The following TENM2 variants were observed in gnomAD, a reference collection of about 807,000 sequenced individuals.
TENM2 encodes teneurin-2.
Under a neutral mutation model 245.2 loss-of-function variants are expected in TENM2, and 52 were observed. The ratio of observed to expected loss-of-function variants is 0.21; its 90% CI spans 0.17 to 0.27. TENM2 has a LOEUF of 0.27. Among genes scored for constraint, TENM2 ranks in the 10% least tolerant of loss-of-function variants. The pLI, the probability that TENM2 is intolerant of heterozygous loss-of-function variation, is 1.00. For missense variants in TENM2, 3,046 were observed against 3,666.8 expected, an observed-to-expected ratio of 0.83 and a Z score of 4.37; for synonymous variants, 1,363 against 1,438.9, an observed-to-expected ratio of 0.95 and a Z score of 1.19.
intron 2 of TENM2, among the ~76,000 whole-genome samples, chr5:167,741,504 C>T (rs1361188580): frequency 1.3e-5 from 2 of 152,176 alleles, no homozygotes; most frequent in South Asian, 2.1e-4. Context: ...GCAATGTCTG[C>T]AGCAAGTCTG....
At position 167,702,575 on chromosome 5, in the gene TENM2, T is replaced by C. The variant is rs1369738111; in HGVS notation, c.503-173411T>C. On this transcript the variant is annotated intron_variant, in intron 2 of 28. Transcript: ENST00000518659. ...GTGTATATATATATATATATATACA[T>C]ATATATATATATTTCTTTACATAGT... Among the ~76,000 whole-genome samples, 89 of 145,214 alleles carry C rather than the reference T, an allele frequency of 6.1e-4. 3 individuals carry two copies. Among genetic ancestry groups the C allele is most frequent in the African/African-American group, 2.1e-3 (81 of 38,696 alleles).
At chr5:167,454,452 C>CTG (rs5873036) in intron 2 of TENM2, among the ~76,000 whole-genome samples, 9,352 of 150,386 alleles carry the variant, frequency 0.062, 367 homozygotes, top group African/African-American at 0.12. Context: ...CTAGAAATAA[C>CTG]TGTGTGTGTG....
the TENM2 span, among the ~76,000 whole-genome samples, chr5:167,277,573 T>C: frequency 1.3e-5 from 2 of 152,156 alleles, no homozygotes; most frequent in Non-Finnish European, 2.9e-5. Flanking sequence ...TTGAGAAAGA[T>C]TTATAACCTG....
the TENM2 span, among the ~76,000 whole-genome samples, chr5:167,171,322 A>G: frequency 2.1e-4 from 32 of 152,248 alleles, no homozygotes; most frequent in East Asian, 3.5e-3. Flanking sequence ...TTGAGTTGCC[A>G]TTTTATCAGT....
intron 2 of TENM2, among the ~76,000 whole-genome samples, chr5:167,741,375 T>TA (rs1446463896): frequency 6.6e-6 from 1 of 152,180 alleles, no homozygotes; most frequent in Non-Finnish European, 1.5e-5. Context: ...AGAGGAAAAA[T>TA]AAGATTCATG....
chr5:167,690,446 G>A (rs2150403043), intron 2 of TENM2, among the ~76,000 whole-genome samples: 1 of 152,172 alleles, frequency 6.6e-6, no homozygotes, highest in Non-Finnish European at 1.5e-5. Context: ...AGTTATGCCA[G>A]TTACTTTACT....
At chr5:167,564,265 C>G (rs2098651) in intron 2 of TENM2, among the ~76,000 whole-genome samples, 76,860 of 151,996 alleles carry the variant, frequency 0.51, 21,075 homozygotes, top group Middle Eastern at 0.64. Context: ...AACACCCAAA[C>G]AGAGTGTGAA....
At chr5:168,204,349 C>G in intron 18 of TENM2, 23 bp from the exon 21 acceptor site, 1 of 1,606,192 alleles carries the variant, frequency 6.2e-7, no homozygotes, top group Non-Finnish European at 8.5e-7. Flanking sequence ...TCAGTAACCC[C>G]TCCCATTCTC....
chr5:167,659,799 C>T (rs1288465149), intron 2 of TENM2, among the ~76,000 whole-genome samples: 3 of 152,102 alleles, frequency 2.0e-5, no homozygotes, highest in Admixed American at 6.5e-5. Context: ...GGTTCCTCTA[C>T]TCATACAAAA....
intron 12 of TENM2, among the ~76,000 whole-genome samples, chr5:168,152,004 G>A (rs1286041013): frequency 6.6e-6 from 1 of 152,190 alleles, no homozygotes; most frequent in Non-Finnish European, 1.5e-5. Context: ...TTGAGAACAG[G>A]AACTATAGAG....
At chr5:167,027,993 C>T in the TENM2 span, among the ~76,000 whole-genome samples, 5 of 149,160 alleles carry the variant, frequency 3.4e-5, no homozygotes, top group East Asian at 9.9e-4. Flanking sequence ...ATCGCTTGAG[C>T]CTAGAGGCAG....
the TENM2 span, among the ~76,000 whole-genome samples, chr5:167,028,935 T>TGG: frequency 6.6e-6 from 1 of 152,136 alleles, no homozygotes; most frequent in African/African-American, 2.4e-5. Context: ...TTATAAGAAA[T>TGG]TATTTATAAG....
intron 2 of TENM2, among the ~76,000 whole-genome samples, chr5:167,622,368 A>C (rs976495196): frequency 6.6e-6 from 1 of 152,126 alleles, no homozygotes; most frequent in Non-Finnish European, 1.5e-5. Flanking sequence ...TGCCCGCATA[A>C]ACCAACTTTT....
intron 15 of TENM2, among the ~76,000 whole-genome samples, chr5:168,198,206 T>C (rs1761624087): frequency 6.9e-6 from 1 of 145,580 alleles, no homozygotes. Context: ...TTTTTTTTTT[T>C]TTTTTTTGAG....
At chr5:167,019,448 C>A in the TENM2 span, among the ~76,000 whole-genome samples, 1 of 151,976 alleles carries the variant, frequency 6.6e-6, no homozygotes, top group Non-Finnish European at 1.5e-5. Context: ...CACAAGCTTT[C>A]TTTTTTGTTG....
intron 3 of TENM2, among the ~76,000 whole-genome samples, chr5:167,916,935 G>A (rs1239800431): frequency 6.6e-6 from 1 of 152,138 alleles, no homozygotes; most frequent in Non-Finnish European, 1.5e-5. Context: ...GCTTAAGCAG[G>A]GAGCTGCTTT....
rs1773395422 is a variant in TENM2 at position 167,876,033 on chromosome 5, C to T, written c.550C>T (p.Gln184Ter). The stretch of plus-strand genomic sequence containing the variant: ...CTCGCCTAGTCTCCTCCCATCTGCT[C>T]AGCTGCCTAGCTCCCATAATCCTCC... Residue 184 changes from glutamine (Q) to a stop codon, truncating the protein, a stop_gained, in exon 3 of 29, where the codon CAG becomes TAG. Transcript: ENST00000518659. LOFTEE classifies it high-confidence loss of function. 2 of 1,551,484 alleles carry T rather than the reference C, an allele frequency of 1.3e-6. No individual in the cohort carries two copies. The highest frequency in any genetic ancestry group is 1.2e-5 in the South Asian group (1 of 84,042).
rs144126013 is a variant in TENM2, at chr5:168,024,883, A to G, written c.1187-22544A>G. 2.0e-5 allele frequency among the ~76,000 whole-genome samples: 3 copies of G among 152,322 alleles called. No homozygotes were observed. In the East Asian group the frequency reaches 5.8e-4, roughly 29 times the overall value. On this transcript the variant is annotated intron_variant, in intron 5 of 28. Transcript: ENST00000518659. Reference sequence around the variant, plus strand: ...GTATATTCTTGTCCCTAAATTCTCCAAGATGACCTGAGATTAGGTTTTGAA... The same window carrying G: ...GTATATTCTTGTCCCTAAATTCTCCGAGATGACCTGAGATTAGGTTTTGAA...
intron 2 of TENM2, among the ~76,000 whole-genome samples, chr5:167,475,248 C>T (rs1299727160): frequency 6.6e-6 from 1 of 152,032 alleles, no homozygotes; most frequent in Non-Finnish European, 1.5e-5. Context: ...ATCACATGTA[C>T]CTAGAACAGC....
Sources: gnomAD v4.1 joint callset for allele counts (sites outside exome capture counted in the v4.1 genomes callset) on GRCh38, gnomAD v4.1.1 for gene constraint, MANE v1.5 for transcripts, NCBI Gene and HGNC (gene_info 2026-07-23, HGNC 2026-07-21) for gene names.